The following MINDY1 variants were observed in gnomAD, a reference collection of about 807,000 sequenced individuals.
MINDY1 encodes ubiquitin carboxyl-terminal hydrolase MINDY-1.
Under a neutral mutation model 53.6 loss-of-function variants are expected in MINDY1, and 50 were observed. The ratio of observed to expected loss-of-function variants is 0.93; its 90% CI spans 0.74 to 1.18. The LOEUF is 1.18. Among genes scored for constraint, MINDY1 ranks in the 50% most tolerant of loss-of-function variants. MINDY1 has a pLI of 0.00. For synonymous variants in MINDY1, 231 were observed against 234.7 expected, an observed-to-expected ratio of 0.98 and a Z score of 0.14; for missense variants, 484 against 578.6, an observed-to-expected ratio of 0.84 and a Z score of 1.68.
chr1:150,997,672 C>T lies in MINDY1; in HGVS notation c.1281G>A (p.Gln427=). ...QQLQQEEYQQ[Q]QAAQPVRMRT... ...GCATCCGCACTGGCTGCGCTGCCTG[C>T]TGCTGTTGATACTCCTCTTGCTGAA... Residue 427 remains glutamine, a synonymous_variant, in exon 9 of 10, where the codon CAG becomes CAA. Transcript: ENST00000683666. 1 of 1,613,070 alleles carries T rather than the reference C, an allele frequency of 6.2e-7. No homozygotes were observed. Among genetic ancestry groups the T allele is most frequent in the Admixed American group, 1.7e-5 (1 of 60,034 alleles).
chr1:151,006,598 C>A lies in MINDY1; in HGVS notation c.-376G>T. 1 of 990,106 alleles carries A rather than the reference C, an allele frequency of 1.0e-6. No individual in the cohort carries two copies. The highest frequency in any genetic ancestry group is 1.7e-5 in the African/African-American group (1 of 57,528). 61.3% of individuals were successfully genotyped at this position (990,106 alleles called of 1,614,324 possible). A position where few individuals can be genotyped will look rare whatever the true frequency, so the allele number is the denominator to read the frequency against. Reference sequence around the variant, plus strand: ...CAGAGAGTCTTCAGGATTCCTGAGTCGCCGAGTCTATGGCATGCGCTCCGG... The same window carrying A: ...CAGAGAGTCTTCAGGATTCCTGAGTAGCCGAGTCTATGGCATGCGCTCCGG... On this transcript the variant is annotated 5_prime_UTR_variant, in exon 1 of 10. Transcript: ENST00000683666.
intron 8 of MINDY1, 44 bp from the exon 9 acceptor site, chr1:150,997,823 G>A (rs749224252): frequency 3.1e-5 from 48 of 1,565,274 alleles, no homozygotes; most frequent in Non-Finnish European, 3.8e-5. Flanking sequence ...GCCCAGAGCC[G>A]TGGCTATTCA....
Position 150,999,992 on chromosome 1 carries a change from CA to C in MINDY1, c.736-29del. On this transcript the variant is annotated intron_variant, in intron 5 of 9. Coordinates refer to ENST00000683666, the MANE Select transcript of MINDY1 (RefSeq NM_001376665.1). This position sits in a 1 kb window ranked among gnomAD's most constrained non-coding sequence, Gnocchi z 4.4. The stretch of plus-strand genomic sequence containing the variant: ...GCTTGGGTAGTGGGATGTGGGATAC[CA>C]AAAAAATTGGGATTTTTTTTTCTTT... The C allele has an allele frequency of 5.8e-6, 9 of 1,557,782 alleles. No homozygotes were observed. Among genetic ancestry groups the C allele is most frequent in the East Asian group, 2.3e-5 (1 of 44,358 alleles).
At chr1:150,997,395 GA>G in intron 9 of MINDY1, 28 bp from the exon 10 acceptor site, 1 of 1,582,080 alleles carries the variant, frequency 6.3e-7, no homozygotes, top group Non-Finnish European at 8.6e-7. Flanking sequence ...ATTGGTCACT[GA>G]ACTTCCTTGG....
intron 1 of MINDY1, 27 bp downstream of exon 1, chr1:151,006,282 TGAA>T (rs1673193819): frequency 2.1e-6 from 3 of 1,433,688 alleles, no homozygotes; most frequent in South Asian, 1.5e-5. Flanking sequence ...GGAGAAGAGG[TGAA>T]GAAGATGATT....
chr1:151,000,082 A>G (rs1297330473), intron 5 of MINDY1, 118 bp from the exon 6 acceptor site: 5 of 690,784 alleles, frequency 7.2e-6, no homozygotes, highest in Admixed American at 6.4e-5. Flanking sequence ...GTTCCTAAAC[A>G]CTTTTTTTTT....
intron 3 of MINDY1, 52 bp from the exon 4 acceptor site, chr1:151,001,366 A>C (rs1232673253): frequency 1.3e-6 from 2 of 1,588,902 alleles, no homozygotes; most frequent in Non-Finnish European, 1.7e-6. Flanking sequence ...CCCAAAAGCT[A>C]AGTTTCCTCT....
chr1:151,008,382 C>T, upstream of MINDY1: 1 of 1,223,646 alleles, frequency 8.2e-7, no homozygotes, highest in Non-Finnish European at 1.1e-6. Flanking sequence ...GAAAGACGTC[C>T]CAGGAGCCTC....
chr1:150,998,216 A>G lies in MINDY1; in HGVS notation c.1039T>C (p.Trp347Arg). ...QGFLQEEQVV[W>R]ESLHNVDGDS... Reference sequence around the variant, plus strand: ...CCATCCACATTGTGCAGGCTCTCCCATACGACTTGCTCCTCCTGTAGAAAG... The same window carrying G: ...CCATCCACATTGTGCAGGCTCTCCCGTACGACTTGCTCCTCCTGTAGAAAG... The change falls in exon 8 of 10, where the codon TGG becomes CGG. Residue 347 changes from tryptophan (W) to arginine (R), a missense_variant. Physicochemically the swap from Trp to Arg is moderately radical, Grantham distance 101. Transcript: ENST00000683666. 1.2e-6 allele frequency: 2 copies of G among 1,614,178 alleles called. No homozygotes were observed. The highest frequency in any genetic ancestry group is 8.5e-7 in the Non-Finnish European group (1 of 1,180,040).
chr1:150,997,959 G>A (rs1432150543), intron 8 of MINDY1, 123 bp downstream of exon 8: 12 of 1,207,100 alleles, frequency 9.9e-6, no homozygotes, highest in African/African-American at 4.5e-5. Flanking sequence ...GTGAGGAGAC[G>A]GTCTGAGGTA....
intron 5 of MINDY1, among the ~76,000 whole-genome samples, chr1:151,000,179 G>A (rs1672385191): frequency 6.6e-6 from 1 of 151,868 alleles, no homozygotes. Context: ...CTCCTCCCAA[G>A]TAGCTGGGAA....
chr1:151,002,569 C>T lies in MINDY1; in HGVS notation c.49G>A (p.Ala17Thr), dbSNP rs149992004. 3.7e-5 allele frequency: 60 copies of T among 1,614,108 alleles called. No homozygotes were observed. Among genetic ancestry groups the T allele is most frequent in the Non-Finnish European group, 4.9e-5 (58 of 1,180,046 alleles). ...EDPAPGKAGT[A>T]EAVIPENHEV... ...TGGTTTTCAGGGATGACTGCTTCTG[C>T]AGTCCCGGCCTTACCAGGGGCTGGA... The change falls in exon 2 of 10, where the codon GCA becomes ACA. Residue 17 changes from alanine to threonine, a missense_variant. By Grantham distance (58) the Ala-to-Thr change is moderately conservative. Transcript: ENST00000683666. This position sits in a 1 kb window ranked among gnomAD's most constrained non-coding sequence, Gnocchi z 4.1.
chr1:151,000,655 T>C, intron 4 of MINDY1, 40 bp from the exon 5 acceptor site: 1 of 1,582,982 alleles, frequency 6.3e-7, no homozygotes, highest in Non-Finnish European at 8.6e-7. Flanking sequence ...TCTAGCCTTC[T>C]CTCCCACCAC....
chr1:151,005,673 G>A (rs772129311), intron 1 of MINDY1, among the ~76,000 whole-genome samples: 61 of 152,128 alleles, frequency 4.0e-4, no homozygotes, highest in Non-Finnish European at 5.6e-4. Flanking sequence ...GGCAGGGGCA[G>A]GAAATGTAAT....
At chr1:150,997,451 G>A (rs1335711354) in intron 9 of MINDY1, 84 bp from the exon 10 acceptor site, 1 of 1,544,138 alleles carries the variant, frequency 6.5e-7, no homozygotes. Context: ...TCAGGATTGG[G>A]ACAGAGAGTA....
chr1:151,004,909 C>T (rs1478358052), intron 1 of MINDY1, among the ~76,000 whole-genome samples: 1 of 152,260 alleles, frequency 6.6e-6, no homozygotes, highest in African/African-American at 2.4e-5. Flanking sequence ...GGTTGAGGAA[C>T]ATTAAAGTTA....
chr1:151,001,111 TA>T, intron 4 of MINDY1, 138 bp downstream of exon 4: 1 of 891,538 alleles, frequency 1.1e-6, no homozygotes, highest in Admixed American at 2.5e-5. Context: ...AGGACAAAGA[TA>T]AACTCTCCTC....
At chr1:151,001,194 C>T (rs1225239620) in intron 4 of MINDY1, 56 bp downstream of exon 4, 4 of 1,553,066 alleles carry the variant, frequency 2.6e-6, no homozygotes, top group Non-Finnish European at 3.5e-6. Flanking sequence ...CTTAGTATTA[C>T]AAGATGTCCC....
Position 151,002,592 on chromosome 1 carries a change from G to A in MINDY1, c.26C>T (p.Pro9Leu). MEYHQPED[P>L]APGKAGTAEA... The stretch of plus-strand genomic sequence containing the variant: ...TGCAGTCCCGGCCTTACCAGGGGCT[G>A]GATCCTCAGGCTGATGGTATTCCAT... Residue 9 changes from proline (P) to leucine (L), a missense_variant, in exon 2 of 10, where the codon CCA becomes CTA. Physicochemically the swap from Pro to Leu is moderately conservative, Grantham distance 98 (BLOSUM62 -3). Transcript: ENST00000683666. The surrounding 1 kb of genome is among the most constrained non-coding windows in gnomAD (Gnocchi z 4.1). 6.2e-7 allele frequency: 1 copy of A among 1,614,184 alleles called. No homozygotes were observed.
Sources: gnomAD v4.1 joint callset for allele counts (sites outside exome capture counted in the v4.1 genomes callset) on GRCh38, gnomAD v4.1.1 for gene constraint, Gnocchi (gnomAD v3.1) non-coding constraint, MANE v1.5 for transcripts, NCBI Gene and HGNC (gene_info 2026-07-23, HGNC 2026-07-21) for gene names.